ADAMTS12: variants seen among roughly 807,000 people sequenced by gnomAD.
ADAMTS12 encodes the protein A disintegrin and metalloproteinase with thrombospondin motifs 12.
ADAMTS12 carries 118 observed loss-of-function variants against 167.8 expected under a neutral mutation model. The observed-to-expected ratio is 0.70, with a 90% CI of 0.61 to 0.82. The LOEUF is 0.82. ADAMTS12 is among the 40% of genes least tolerant of loss of function. The probability of loss-of-function intolerance (pLI) is 0.00; values close to 1 mark genes in which losing one functional copy is unlikely to be tolerated. For missense variants in ADAMTS12, 1,916 were observed against 1,998.8 expected (o/e 0.96, Z 0.79); for synonymous variants, 704 against 716.9 (o/e 0.98, Z 0.29).
chr5:33,775,169 A>C (rs1345264531), intron 2 of ADAMTS12, among the ~76,000 whole-genome samples: 1 of 152,220 alleles, frequency 6.6e-6, no homozygotes, highest in Non-Finnish European at 1.5e-5. Flanking sequence ...TGCTTGGCAC[A>C]AACTGACATC....
chr5:33,564,858 A>C (rs190910690), intron 19 of ADAMTS12, among the ~76,000 whole-genome samples: 33 of 152,296 alleles, frequency 2.2e-4, no homozygotes, highest in African/African-American at 7.9e-4. Flanking sequence ...ATTAGAAACC[A>C]CTGGGTCTTA....
At chr5:33,742,379 T>G (rs1190702279) in intron 3 of ADAMTS12, among the ~76,000 whole-genome samples, 2 of 150,580 alleles carry the variant, frequency 1.3e-5, no homozygotes, top group Non-Finnish European at 2.9e-5. Context: ...TTCCAGCTGC[T>G]GCACAGAAAT....
intron 2 of ADAMTS12, among the ~76,000 whole-genome samples, chr5:33,858,805 G>A (rs1749502141): frequency 1.3e-5 from 2 of 152,040 alleles, no homozygotes; most frequent in African/African-American, 2.4e-5. Context: ...TCCAACTGAG[G>A]CACCCAGCTC....
At chr5:33,783,942 G>A (rs1444131068) in intron 2 of ADAMTS12, among the ~76,000 whole-genome samples, 1 of 151,594 alleles carries the variant, frequency 6.6e-6, no homozygotes, top group Non-Finnish European at 1.5e-5. Flanking sequence ...TCATGAATAA[G>A]GATATAAAAA....
chr5:33,847,646 A>G (rs1191088732), intron 2 of ADAMTS12, among the ~76,000 whole-genome samples: 1 of 152,024 alleles, frequency 6.6e-6, no homozygotes, highest in African/African-American at 2.4e-5. Flanking sequence ...AAAGAAAGAA[A>G]GAAAAGGAAG....
intron 10 of ADAMTS12, 101 bp downstream of exon 10, chr5:33,643,277 T>C: frequency 8.5e-7 from 1 of 1,174,192 alleles, no homozygotes; most frequent in Non-Finnish European, 1.3e-6. Context: ...CATCCACTGC[T>C]CTTCCCTTAG....
chr5:33,871,332 A>G (rs541067723), intron 2 of ADAMTS12, among the ~76,000 whole-genome samples: 1 of 152,328 alleles, frequency 6.6e-6, no homozygotes, highest in South Asian at 2.1e-4. Context: ...ATAAGGAAAC[A>G]CTACCCAATT....
chr5:33,750,570 G>C (rs534247080), intron 3 of ADAMTS12, among the ~76,000 whole-genome samples: 123 of 152,212 alleles, frequency 8.1e-4, no homozygotes, highest in Non-Finnish European at 1.6e-3. Context: ...AATAATGTTA[G>C]GGATTCCTTT....
At position 33,525,207 on chromosome 5, in the gene ADAMTS12, T is replaced by C. The variant is rs1386845133; in HGVS notation, c.*1981A>G. The C allele has an allele frequency of 1.3e-5, 2 of 152,218 alleles. No homozygotes were observed. Among genetic ancestry groups the C allele is most frequent in the Non-Finnish European group, 2.9e-5 (2 of 68,050 alleles). The allele number at this position is 152,218 out of a possible 1,614,324, so 9.4% of individuals were successfully genotyped here. A position where few individuals can be genotyped will look rare whatever the true frequency, so the allele number is the denominator to read the frequency against. ...ACTCATGTCACTAACAATTTAAGTGTCTCCTCTCCTCGAAAACCATTATTC... is the reference window on the plus strand; with the variant it reads ...ACTCATGTCACTAACAATTTAAGTGCCTCCTCTCCTCGAAAACCATTATTC... On this transcript the variant is annotated 3_prime_UTR_variant, in exon 24 of 24. Transcript: ENST00000504830.
intron 2 of ADAMTS12, among the ~76,000 whole-genome samples, chr5:33,795,316 C>A (rs13187377): frequency 0.14 from 21,487 of 152,138 alleles, 1,665 homozygotes; most frequent in Non-Finnish European, 0.15. Flanking sequence ...TTATAATACA[C>A]CAACCCAGAT....
intron 2 of ADAMTS12, among the ~76,000 whole-genome samples, chr5:33,830,972 T>C (rs1176941434): frequency 6.6e-6 from 1 of 152,210 alleles, no homozygotes. Context: ...CATGATTTGA[T>C]GCTTTTGGTT....
chr5:33,641,980 GGCC>G (rs1488566369), intron 10 of ADAMTS12, 25 bp from the exon 11 acceptor site: 1 of 1,588,576 alleles, frequency 6.3e-7, no homozygotes, highest in Non-Finnish European at 8.6e-7. Context: ...GGCAGGAGAT[GGCC>G]GTATCAGGAA....
At chr5:33,727,945 T>A (rs993457405) in intron 3 of ADAMTS12, among the ~76,000 whole-genome samples, 11 of 152,258 alleles carry the variant, frequency 7.2e-5, no homozygotes, top group African/African-American at 2.4e-4. Flanking sequence ...ATTCACACTC[T>A]ACGCTCAGCA....
chr5:33,740,953 T>TA (rs1419369696), intron 3 of ADAMTS12, among the ~76,000 whole-genome samples: 1 of 152,156 alleles, frequency 6.6e-6, no homozygotes, highest in African/African-American at 2.4e-5. Context: ...ATTCAAATAT[T>TA]AAAAACACTA....
intron 16 of ADAMTS12, among the ~76,000 whole-genome samples, chr5:33,607,523 T>C (rs1020476841): frequency 4.6e-5 from 7 of 152,204 alleles, no homozygotes; most frequent in African/African-American, 1.7e-4. Context: ...AATTTTACAA[T>C]AGTTTTTTTC....
intron 12 of ADAMTS12, among the ~76,000 whole-genome samples, chr5:33,632,668 C>T (rs970557768): frequency 2.0e-5 from 3 of 152,152 alleles, no homozygotes; most frequent in African/African-American, 7.2e-5. Flanking sequence ...CTAAAGGGAG[C>T]AACCTGGGAA....
At chr5:33,693,799 T>A (rs1376020368) in intron 3 of ADAMTS12, among the ~76,000 whole-genome samples, 1 of 152,136 alleles carries the variant, frequency 6.6e-6, no homozygotes, top group Non-Finnish European at 1.5e-5. Flanking sequence ...TTTAACACAG[T>A]ACTGGGAGTC....
intron 12 of ADAMTS12, among the ~76,000 whole-genome samples, chr5:33,634,384 C>T (rs769020608): frequency 5.9e-5 from 9 of 152,122 alleles, no homozygotes; most frequent in Non-Finnish European, 1.2e-4. Flanking sequence ...AAGGCCAAAA[C>T]GGGAAGGCGG....
At chr5:33,721,814 G>A (rs1743816471) in intron 3 of ADAMTS12, among the ~76,000 whole-genome samples, 1 of 152,156 alleles carries the variant, frequency 6.6e-6, no homozygotes, top group African/African-American at 2.4e-5. Context: ...TTTGCTGAGA[G>A]TGACACCCGG....
Sources: allele counts gnomAD v4.1 joint callset (sites outside exome capture counted in the v4.1 genomes callset), GRCh38; gene constraint gnomAD v4.1.1; transcripts MANE v1.5; gene names NCBI Gene and HGNC (gene_info 2026-07-23, HGNC 2026-07-21).